Variants in MACROD2 observed in about 807,000 individuals in gnomAD.
MACROD2 encodes the protein mono-ADP ribosylhydrolase 2.
Under a neutral mutation model 70.4 loss-of-function variants are expected in MACROD2, and 36 were observed. The observed-to-expected ratio is 0.51, with a 90% confidence interval of 0.39 to 0.68. The LOEUF (loss-of-function observed/expected upper bound fraction) is 0.68. Ranked by LOEUF, MACROD2 falls within the 30% of genes least tolerant of loss-of-function variation. The pLI is 0.00. For missense variants in MACROD2, 496 were observed against 538.4 expected, an observed-to-expected ratio of 0.92 and a Z score of 0.78; for synonymous variants, 172 against 178.8, an observed-to-expected ratio of 0.96 and a Z score of 0.30.
chr20:15,503,751 T>G (rs1413290011), intron 8 of MACROD2, among the ~76,000 whole-genome samples: 2 of 152,210 alleles, frequency 1.3e-5, no homozygotes, highest in African/African-American at 4.8e-5. Flanking sequence ...TGTCTGTCCA[T>G]TCATGGGTCA....
At chr20:14,018,726 T>C (rs1039352361) in intron 2 of MACROD2, among the ~76,000 whole-genome samples, 4 of 152,232 alleles carry the variant, frequency 2.6e-5, no homozygotes, top group Non-Finnish European at 4.4e-5. Context: ...CTTCTAAAGA[T>C]GATTGTTTTA....
In MACROD2 at chr20:14,757,881, G is replaced by C. The variant is rs911984883; in HGVS notation, c.418+72922G>C. 5 of 1,439,928 alleles carry C rather than the reference G, an allele frequency of 3.5e-6. No homozygotes were observed. The African/African-American group carries it at 7.0e-5, about 20-fold the overall frequency. 89.2% of individuals were successfully genotyped at this position (1,439,928 alleles called of 1,614,324 possible). On this transcript the variant is annotated intron_variant, in intron 5 of 17. Coordinates refer to ENST00000684519, the MANE Select transcript of MACROD2 (RefSeq NM_001351661.2). Reference sequence around the variant, plus strand: ...GGGACTGGCAGGCCTCGGCCTAAAGGTCTGAAGGGTGAGTGACCTGCAAGA... The same window carrying C: ...GGGACTGGCAGGCCTCGGCCTAAAGCTCTGAAGGGTGAGTGACCTGCAAGA...
intron 3 of MACROD2, chr20:14,323,012 C>T (rs915863589): frequency 6.6e-6 from 1 of 152,128 alleles, no homozygotes; most frequent in Non-Finnish European, 1.5e-5. Flanking sequence ...GTTTAATTCT[C>T]TCATTCAACA....
At chr20:14,292,713 C>T (rs565521750) in intron 3 of MACROD2, among the ~76,000 whole-genome samples, 9 of 151,928 alleles carry the variant, frequency 5.9e-5, no homozygotes. Context: ...CGGCTCACTG[C>T]AACCTCCGCC....
At position 14,044,779 on chromosome 20, in the gene MACROD2, G is replaced by A. The variant is rs563213795; in HGVS notation, c.164-40842G>A. 7.2e-5 allele frequency among the ~76,000 whole-genome samples: 11 copies of A among 152,330 alleles called. No individual in the cohort carries two copies. In the East Asian group the frequency reaches 1.5e-3, roughly 21 times the overall value. On this transcript the variant is annotated intron_variant, in intron 2 of 17. Coordinates refer to ENST00000684519, the MANE Select transcript of MACROD2 (RefSeq NM_001351661.2). Reference sequence around the variant, plus strand: ...CCGCTGGCTTCACCCAGTGGATCCCGCACTGGGGCTGCAGGTGGAGCTGCC... The same window carrying A: ...CCGCTGGCTTCACCCAGTGGATCCCACACTGGGGCTGCAGGTGGAGCTGCC...
chr20:15,516,055 C>A (rs1463452346), intron 8 of MACROD2, among the ~76,000 whole-genome samples: 1 of 152,318 alleles, frequency 6.6e-6, no homozygotes, highest in East Asian at 1.9e-4. Context: ...GCCTGCTTTG[C>A]TTTCTCTTTT....
In MACROD2 at chr20:14,456,713, C is replaced by CTTTTTTTT. The variant is rs10696382; in HGVS notation, c.272-36752_272-36745dup. ...ATACATTTTCTTTAAGACTCAGGAT[C>CTTTTTTTT]TTTTTTTTTTTTTTTTTTTTTGAGA... is the stretch of plus-strand genomic sequence containing the variant. On this transcript the variant is annotated intron_variant, in intron 3 of 17. Transcript: ENST00000684519. 9.9e-5 allele frequency among the ~76,000 whole-genome samples: 10 copies of CTTTTTTTT among 101,132 alleles called. 1 individual carries two copies. The highest frequency in any genetic ancestry group is 1.1e-4 in the Non-Finnish European group (6 of 52,958). The allele number at this position is 101,132 out of a possible 152,430, so 66.3% of individuals were successfully genotyped here.
chr20:15,240,372 T>G (rs2077050793), intron 6 of MACROD2, among the ~76,000 whole-genome samples: 1 of 152,156 alleles, frequency 6.6e-6, no homozygotes, highest in Non-Finnish European at 1.5e-5. Context: ...GAATTGAATA[T>G]TCTCAAATAA....
intron 4 of MACROD2, among the ~76,000 whole-genome samples, chr20:14,579,514 G>T (rs1048052966): frequency 6.6e-6 from 1 of 152,274 alleles, no homozygotes; most frequent in African/African-American, 2.4e-5. Flanking sequence ...GAAAATAAAT[G>T]TTTAATACTT....
rs182932891 is a variant in MACROD2, at chr20:14,280,781, C to T, written c.271+195053C>T. On this transcript the variant is annotated intron_variant, in intron 3 of 17. Coordinates refer to ENST00000684519, the MANE Select transcript of MACROD2 (RefSeq NM_001351661.2). ...ATGACACCGACCCTCTTTGGGATGACGTTATTGCATTAGTCGATCATTATT... is the reference window on the plus strand; with the variant it reads ...ATGACACCGACCCTCTTTGGGATGATGTTATTGCATTAGTCGATCATTATT... Among the ~76,000 whole-genome samples the T allele has an allele frequency of 2.4e-3, 364 of 152,212 alleles. 1 individual carries two copies. Among genetic ancestry groups the T allele is most frequent in the African/African-American group, 8.1e-3 (337 of 41,536 alleles).
intron 5 of MACROD2, among the ~76,000 whole-genome samples, chr20:14,692,770 G>A (rs1456558302): frequency 6.6e-6 from 1 of 152,140 alleles, no homozygotes; most frequent in African/African-American, 2.4e-5. Flanking sequence ...AAGCACAGGG[G>A]CCAAACTTTG....
intron 3 of MACROD2, among the ~76,000 whole-genome samples, chr20:14,222,242 C>T (rs539502623): frequency 2.6e-5 from 4 of 152,206 alleles, no homozygotes; most frequent in Admixed American, 1.3e-4. Context: ...ACCTAAGTGT[C>T]CATTAACATA....
At chr20:15,014,140 C>T (rs75006427) in intron 5 of MACROD2, among the ~76,000 whole-genome samples, 1 of 152,152 alleles carries the variant, frequency 6.6e-6, no homozygotes, top group Non-Finnish European at 1.5e-5. Flanking sequence ...GACATGAAAA[C>T]CACCATATAC....
chr20:15,925,671 C>T (rs1345733144), intron 10 of MACROD2, among the ~76,000 whole-genome samples: 1 of 152,168 alleles, frequency 6.6e-6, no homozygotes, highest in Non-Finnish European at 1.5e-5. Context: ...CTCTGCTTAC[C>T]ATTACACAAC....
chr20:16,024,549 C>T (rs1400471919), intron 15 of MACROD2, among the ~76,000 whole-genome samples: 3 of 149,266 alleles, frequency 2.0e-5, no homozygotes, highest in Non-Finnish European at 4.4e-5. Context: ...ACACACATGC[C>T]AACTACCACA....
chr20:14,965,555 G>C (rs1260842432), intron 5 of MACROD2, among the ~76,000 whole-genome samples: 1 of 146,182 alleles, frequency 6.8e-6, no homozygotes, highest in African/African-American at 2.5e-5. Flanking sequence ...CCGCCTCCCG[G>C]GTTCACGCCA....
chr20:14,664,757 G>A (rs1332504505), intron 4 of MACROD2, among the ~76,000 whole-genome samples: 1 of 151,990 alleles, frequency 6.6e-6, no homozygotes, highest in Non-Finnish European at 1.5e-5. Flanking sequence ...TTACATTCTT[G>A]ATCCAAACTA....
chr20:15,364,570 G>A (rs2045378994), intron 6 of MACROD2, among the ~76,000 whole-genome samples: 2 of 152,186 alleles, frequency 1.3e-5, no homozygotes, highest in South Asian at 4.1e-4. Flanking sequence ...AATCCTCACA[G>A]GAGTGGAATT....
At chr20:14,504,165 A>G (rs2084944995) in intron 4 of MACROD2, among the ~76,000 whole-genome samples, 1 of 152,242 alleles carries the variant, frequency 6.6e-6, no homozygotes, top group South Asian at 2.1e-4. Context: ...AAAATTTGAC[A>G]TATAATAGGC....
Sources: allele counts gnomAD v4.1 joint callset (sites outside exome capture counted in the v4.1 genomes callset), GRCh38; gene constraint gnomAD v4.1.1; transcripts MANE v1.5; gene names NCBI Gene and HGNC (gene_info 2026-07-23, HGNC 2026-07-21).